PCDHGB2: variants seen among roughly 807,000 people sequenced by gnomAD.
PCDHGB2 encodes the protein protocadherin gamma subfamily B, 2.
Under a neutral mutation model 59.3 loss-of-function variants are expected in PCDHGB2, and 55 were observed. The ratio of observed to expected loss-of-function variants is 0.93; its 90% CI spans 0.75 to 1.16. The LOEUF (loss-of-function observed/expected upper bound fraction) is 1.16, where lower values mean the gene tolerates loss of function less well. PCDHGB2 is among the 50% of genes most tolerant of loss of function. PCDHGB2 has a pLI of 0.00. For synonymous variants in PCDHGB2, 516 were observed against 512.0 expected (o/e 1.01, Z -0.11); for missense variants, 1,228 against 1,198.5 (o/e 1.02, Z -0.36).
chr5:141,405,050 G>T, intron 1 of PCDHGB2: 1 of 1,613,866 alleles, frequency 6.2e-7, no homozygotes, highest in South Asian at 1.1e-5. Flanking sequence ...TGTGGCAGTC[G>T]TCTCCTGTGT....
At chr5:141,394,109 G>A (rs764779834) in intron 1 of PCDHGB2, 3 of 1,613,898 alleles carry the variant, frequency 1.9e-6, no homozygotes, top group East Asian at 4.5e-5. Flanking sequence ...CACCACCTCT[G>A]TCCACTGAAA....
At position 141,438,591 on chromosome 5, in the gene PCDHGB2, CATATATATATATAT is replaced by C. The variant is rs946798767; in HGVS notation, c.2422-56184_2422-56171del. Among the ~76,000 whole-genome samples the C allele has an allele frequency of 7.9e-5, 6 of 75,562 alleles. No individual in the cohort carries two copies. The East Asian group carries it at 1.7e-3, about 22-fold the overall frequency. 49.6% of individuals were successfully genotyped at this position (75,562 alleles called of 152,430 possible). On this transcript the variant is annotated intron_variant, in intron 1 of 3. Transcript: ENST00000522605. ...TCTGATATACATACATACATACATA[CATATATATATATAT>C]ATATATATATATATATATATATATA...
At chr5:141,373,705 A>G (rs1023574849) in intron 1 of PCDHGB2, among the ~76,000 whole-genome samples, 2 of 152,224 alleles carry the variant, frequency 1.3e-5, no homozygotes, top group African/African-American at 4.8e-5. Flanking sequence ...AAATTATTCA[A>G]AATAATCTCT....
At chr5:141,369,470 C>T (rs752917426) in intron 1 of PCDHGB2, among the ~76,000 whole-genome samples, 13 of 152,166 alleles carry the variant, frequency 8.5e-5, no homozygotes, top group African/African-American at 1.9e-4. Context: ...TGTTCTAGCC[C>T]AGCCTGGGCA....
intron 1 of PCDHGB2, chr5:141,399,680 A>G (rs1182095574): frequency 1.2e-6 from 2 of 1,613,514 alleles, no homozygotes; most frequent in East Asian, 2.2e-5. Context: ...GCCTTTGACT[A>G]CGAGCAGCTG....
intron 1 of PCDHGB2, among the ~76,000 whole-genome samples, chr5:141,425,410 A>G (rs1283299220): frequency 2.0e-5 from 3 of 152,240 alleles, no homozygotes; most frequent in African/African-American, 7.2e-5. Flanking sequence ...TTAAGGTATA[A>G]CATATAGTCC....
intron 1 of PCDHGB2, chr5:141,424,468 C>A (rs1301878037): frequency 1.3e-5 from 2 of 152,072 alleles, no homozygotes; most frequent in South Asian, 2.1e-4. Context: ...TCCTTTTATT[C>A]TTTTACTTTG....
chr5:141,418,988 G>A, intron 1 of PCDHGB2: 1 of 1,613,946 alleles, frequency 6.2e-7, no homozygotes, highest in Non-Finnish European at 8.5e-7. Context: ...CCAAGACTCA[G>A]GGGAAAATGG....
chr5:141,404,271 T>A, intron 1 of PCDHGB2: 1 of 1,614,000 alleles, frequency 6.2e-7, no homozygotes, highest in Non-Finnish European at 8.5e-7. Flanking sequence ...CACATCACCC[T>A]GCAAGTGACT....
chr5:141,403,333 C>A (rs376895778), intron 1 of PCDHGB2: 1 of 1,613,984 alleles, frequency 6.2e-7, no homozygotes, highest in South Asian at 1.1e-5. Flanking sequence ...CTGATATTAA[C>A]GACAGCGCCC....
intron 3 of PCDHGB2, 86 bp downstream of exon 3, chr5:141,505,567 T>C: frequency 6.3e-7 from 1 of 1,599,440 alleles, no homozygotes; most frequent in South Asian, 1.1e-5. Flanking sequence ...ACGGACTGGA[T>C]GTCAAACCTG....
In PCDHGB2 at chr5:141,487,169, G is replaced by A. The variant is rs1259980100; in HGVS notation, c.2422-7638G>A. On this transcript the variant is annotated intron_variant, in intron 1 of 3. Coordinates refer to ENST00000522605, the MANE Select transcript of PCDHGB2 (RefSeq NM_018923.3). The surrounding 1 kb of genome is among the most constrained non-coding windows in gnomAD (Gnocchi z 5.0). ...CTCTGTTACTCTCTTAGTGTCCTTA[G>A]AGGAAGACACTCATCCAGTTGTCCC... 6.2e-7 allele frequency: 1 copy of A among 1,613,086 alleles called. No homozygotes were observed. Among genetic ancestry groups the A allele is most frequent in the South Asian group, 1.1e-5 (1 of 91,072 alleles).
At chr5:141,403,509 A>G in intron 1 of PCDHGB2, 1 of 1,614,002 alleles carries the variant, frequency 6.2e-7, no homozygotes, top group Non-Finnish European at 8.5e-7. Context: ...CAGACTGGAG[A>G]CAATGGAGCC....
rs765454115 is a variant in PCDHGB2, at chr5:141,410,470, T to C, written c.2421+47914T>C. On this transcript the variant is annotated intron_variant, in intron 1 of 3. Coordinates refer to ENST00000522605, the MANE Select transcript of PCDHGB2 (RefSeq NM_018923.3). Reference sequence around the variant, plus strand: ...TGCCTTATTCTTATAATCTGTGCATTGCACATACGGGTACAAAAGAGTTTA... The same window carrying C: ...TGCCTTATTCTTATAATCTGTGCATCGCACATACGGGTACAAAAGAGTTTA... 1.9e-6 allele frequency: 3 copies of C among 1,613,922 alleles called. No individual in the cohort carries two copies. The African/African-American group carries it at 4.0e-5, about 22-fold the overall frequency.
At chr5:141,392,584 C>T (rs1252723609) in intron 1 of PCDHGB2, 1 of 473,072 alleles carries the variant, frequency 2.1e-6, no homozygotes, top group African/African-American at 2.0e-5. Context: ...CTGTAAGCGC[C>T]GCTGTTCACC....
At position 141,370,934 on chromosome 5, in the gene PCDHGB2, G is replaced by C. The variant is rs757298448; in HGVS notation, c.2421+8378G>C. The C allele has an allele frequency of 1.2e-6, 2 of 1,613,980 alleles. No homozygotes were observed. Among genetic ancestry groups the C allele is most frequent in the South Asian group, 2.2e-5 (2 of 91,086 alleles). On this transcript the variant is annotated intron_variant, in intron 1 of 3. Coordinates refer to ENST00000522605, the MANE Select transcript of PCDHGB2 (RefSeq NM_018923.3). ...TCAGCCCTGATCCGCACTTCTCTTT[G>C]ATTCAGAAGGAGAACCTGGATGGCA... is the stretch of plus-strand genomic sequence containing the variant.
chr5:141,447,558 G>T (rs551305232), intron 1 of PCDHGB2, among the ~76,000 whole-genome samples: 1 of 152,264 alleles, frequency 6.6e-6, no homozygotes, highest in African/African-American at 2.4e-5. Context: ...GAGTACACTT[G>T]GAGGATTCTA....
chr5:141,409,988 G>A (rs373071156), intron 1 of PCDHGB2: 43 of 1,613,160 alleles, frequency 2.7e-5, no homozygotes, highest in African/African-American at 5.3e-5. Context: ...AGCGGTGGAC[G>A]CCGACTCGGG....
intron 1 of PCDHGB2, among the ~76,000 whole-genome samples, chr5:141,443,859 GAA>G (rs2098408229): frequency 6.6e-6 from 1 of 152,104 alleles, no homozygotes; most frequent in Non-Finnish European, 1.5e-5. Context: ...TCTGAAAACT[GAA>G]AAAATTACTG....
Sources: gnomAD v4.1 joint callset for allele counts (sites outside exome capture counted in the v4.1 genomes callset) on GRCh38, gnomAD v4.1.1 for gene constraint, Gnocchi (gnomAD v3.1) non-coding constraint, MANE v1.5 for transcripts, NCBI Gene and HGNC (gene_info 2026-07-23, HGNC 2026-07-21) for gene names.